The following WWC1 variants were observed in gnomAD, a reference collection of about 807,000 sequenced individuals.
WWC1 encodes the protein protein KIBRA.
Under a neutral mutation model 138.4 loss-of-function variants are expected in WWC1, and 55 were observed. The ratio of observed to expected loss-of-function variants is 0.40; its 90% CI spans 0.32 to 0.50. WWC1 has a LOEUF of 0.50. Ranked by LOEUF, WWC1 falls within the 20% of genes least tolerant of loss-of-function variation. The pLI, the probability that WWC1 is intolerant of heterozygous loss-of-function variation, is 0.72. For missense variants in WWC1, 1,226 were observed against 1,420.4 expected (o/e 0.86, Z 2.20); for synonymous variants, 524 against 564.9 (o/e 0.93, Z 1.03).
At chr5:168,298,928 GC>G (rs1479050886) in intron 1 of WWC1, among the ~76,000 whole-genome samples, 3 of 152,204 alleles carry the variant, frequency 2.0e-5, no homozygotes, top group South Asian at 2.1e-4. Flanking sequence ...TACTAAAAAT[GC>G]AAAATATTAG....
At chr5:168,334,811 C>A (rs1340010062) in intron 1 of WWC1, among the ~76,000 whole-genome samples, 1 of 152,238 alleles carries the variant, frequency 6.6e-6, no homozygotes, top group Non-Finnish European at 1.5e-5. Context: ...CAGCTTCCAG[C>A]AGGGAGGCAG....
At chr5:168,380,809 A>T (rs1168071848) in intron 2 of WWC1, among the ~76,000 whole-genome samples, 1 of 152,196 alleles carries the variant, frequency 6.6e-6, no homozygotes, top group Non-Finnish European at 1.5e-5. Context: ...AATATTATTC[A>T]GCAATAATAA....
intron 8 of WWC1, chr5:168,412,119 T>G: frequency 1.0e-6 from 1 of 985,436 alleles, no homozygotes; most frequent in Non-Finnish European, 1.2e-6. Context: ...CAGGAATGCC[T>G]GTCTTAGATG....
chr5:168,422,112 G>A lies in WWC1; in HGVS notation c.1274+15G>A, dbSNP rs1362705387. Reference sequence around the variant, plus strand: ...CAGCTGAAAAGGTGAGTGGTGGGCGGTGAGGCCACTGCTCCCCTGGGCATG... The same window carrying A: ...CAGCTGAAAAGGTGAGTGGTGGGCGATGAGGCCACTGCTCCCCTGGGCATG... On this transcript the variant is annotated intron_variant, in intron 10 of 22. Transcript: ENST00000265293. 1.9e-6 allele frequency: 3 copies of A among 1,611,054 alleles called. No homozygotes were observed. The highest frequency in any genetic ancestry group is 1.7e-5 in the Admixed American group (1 of 59,940).
At chr5:168,329,582 G>C (rs542009377) in intron 1 of WWC1, among the ~76,000 whole-genome samples, 2 of 152,278 alleles carry the variant, frequency 1.3e-5, no homozygotes, top group Admixed American at 1.3e-4. Flanking sequence ...TGGGAGGAAG[G>C]GGAGTGTTTA....
intron 1 of WWC1, among the ~76,000 whole-genome samples, chr5:168,299,586 C>G (rs111227559): frequency 5.9e-5 from 9 of 152,358 alleles, no homozygotes; most frequent in Middle Eastern, 3.4e-3. Context: ...ATCCCTCCCC[C>G]TCCCGGGGAG....
intron 1 of WWC1, among the ~76,000 whole-genome samples, chr5:168,314,978 C>A (rs954057238): frequency 1.3e-5 from 2 of 152,150 alleles, no homozygotes; most frequent in African/African-American, 2.4e-5. Context: ...AACACTCCCC[C>A]GCCCGTCTCA....
chr5:168,301,749 C>T (rs1428147938), intron 1 of WWC1, among the ~76,000 whole-genome samples: 3 of 152,090 alleles, frequency 2.0e-5, no homozygotes, highest in African/African-American at 7.2e-5. Context: ...GATATGACAT[C>T]CAACATAGAA....
intron 1 of WWC1, among the ~76,000 whole-genome samples, chr5:168,322,397 C>T (rs76441162): frequency 0.019 from 2,874 of 152,278 alleles, 84 homozygotes; most frequent in African/African-American, 0.064. Context: ...AGGAAAGCAG[C>T]CATAGATAAT....
chr5:168,399,451 T>A (rs777156123), intron 4 of WWC1, 37 bp from the exon 5 acceptor site: 2 of 1,612,652 alleles, frequency 1.2e-6, no homozygotes, highest in Non-Finnish European at 1.7e-6. Context: ...GGTGTCAGCC[T>A]CTGACCCAGC....
At chr5:168,449,213 C>A (rs1755570306) in intron 17 of WWC1, among the ~76,000 whole-genome samples, 1 of 151,962 alleles carries the variant, frequency 6.6e-6, no homozygotes, top group Non-Finnish European at 1.5e-5. Context: ...AATTATTTTT[C>A]TCTTTACAAT....
intron 1 of WWC1, among the ~76,000 whole-genome samples, chr5:168,355,558 C>G (rs546412673): frequency 6.9e-6 from 1 of 144,942 alleles, no homozygotes; most frequent in East Asian, 2.0e-4. Context: ...AAAAAGTGGA[C>G]AGGTGTGTAG....
chr5:168,412,418 A>G (rs1346873410), intron 8 of WWC1, among the ~76,000 whole-genome samples: 1 of 152,196 alleles, frequency 6.6e-6, no homozygotes. Flanking sequence ...TGTGTTTATC[A>G]GATTCTTAAA....
chr5:168,323,274 A>G (rs1343177783), intron 1 of WWC1, among the ~76,000 whole-genome samples: 1 of 152,148 alleles, frequency 6.6e-6, no homozygotes, highest in Admixed American at 6.5e-5. Flanking sequence ...GGCTGGGTAC[A>G]GTGGCTCACA....
At chr5:168,406,857 G>T (rs1443194440) in intron 6 of WWC1, among the ~76,000 whole-genome samples, 2 of 152,144 alleles carry the variant, frequency 1.3e-5, no homozygotes, top group African/African-American at 4.8e-5. Flanking sequence ...CAGGAGAATG[G>T]CGTGAACCCA....
At chr5:168,421,886 A>G (rs2152851076) in intron 9 of WWC1, 122 bp from the exon 10 acceptor site, 1 of 715,172 alleles carries the variant, frequency 1.4e-6, no homozygotes, top group Non-Finnish European at 2.5e-6. Context: ...CTAGCTCCCC[A>G]GATGCCGTGG....
chr5:168,377,246 G>T (rs1482068661), intron 2 of WWC1, among the ~76,000 whole-genome samples: 1 of 152,070 alleles, frequency 6.6e-6, no homozygotes, highest in East Asian at 1.9e-4. Context: ...AATAAAACTG[G>T]ACCCCTACCT....
rs544723373 is a variant in WWC1, at chr5:168,346,707, G to A, written c.120-24717G>A. Among the ~76,000 whole-genome samples the A allele has an allele frequency of 1.1e-4, 17 of 152,370 alleles. No individual in the cohort carries two copies. The East Asian group carries it at 1.3e-3, about 12-fold the overall frequency. On this transcript the variant is annotated intron_variant, in intron 1 of 22. Coordinates refer to ENST00000265293, the MANE Select transcript of WWC1 (RefSeq NM_015238.3). ...AAAAAGTAAAAGCCGGGACCTCCCA[G>A]GGCCCATGCTTGGTATGCTGTGAGT... is the stretch of plus-strand genomic sequence containing the variant.
At chr5:168,373,963 A>G (rs10072701) in intron 2 of WWC1, among the ~76,000 whole-genome samples, 39,521 of 149,644 alleles carry the variant, frequency 0.26, 5,455 homozygotes, top group South Asian at 0.46. Flanking sequence ...GGAGAATGGC[A>G]TGAACCCTGG....
Sources: gnomAD v4.1 joint callset for allele counts (sites outside exome capture counted in the v4.1 genomes callset) on GRCh38, gnomAD v4.1.1 for gene constraint, MANE v1.5 for transcripts, NCBI Gene and HGNC (gene_info 2026-07-23, HGNC 2026-07-21) for gene names.